Variants in IKBKE observed in about 807,000 individuals in gnomAD.
IKBKE encodes inhibitor of nuclear factor kappa B kinase subunit epsilon, also known as inhibitor of nuclear factor kappa-B kinase subunit epsilon.
IKBKE carries 45 observed loss-of-function variants against 92.1 expected under a neutral mutation model. The observed-to-expected ratio is 0.49, with a 90% CI of 0.38 to 0.63. IKBKE has a LOEUF of 0.63. Ranked by LOEUF, IKBKE falls within the 20% of genes least tolerant of loss-of-function variation. The pLI is 0.00. For missense variants in IKBKE, 700 were observed against 932.8 expected, an observed-to-expected ratio of 0.75 and a Z score of 3.25; for synonymous variants, 374 against 380.3, an observed-to-expected ratio of 0.98 and a Z score of 0.19.
intron 13 of IKBKE, among the ~76,000 whole-genome samples, chr1:206,482,388 T>A (rs989863219): frequency 6.6e-6 from 1 of 152,162 alleles, no homozygotes; most frequent in East Asian, 1.9e-4. Flanking sequence ...TTGGGAAAGC[T>A]TTTTGGGTGT....
rs1553390467 is a variant in IKBKE, at chr1:206,491,742, A to G, written c.1828A>G (p.Arg610Gly). The G allele has an allele frequency of 6.2e-7, 1 of 1,611,966 alleles. No homozygotes were observed. Among genetic ancestry groups the G allele is most frequent in the Non-Finnish European group, 8.5e-7 (1 of 1,178,444 alleles). The change falls in exon 18 of 22, where the codon AGG (arginine) becomes GGG (glycine). Residue 610 changes from arginine to glycine, a missense_variant. Physicochemically the swap from Arg to Gly is moderately radical, Grantham distance 125. Coordinates refer to ENST00000581977, the MANE Select transcript of IKBKE (RefSeq NM_014002.4). The stretch of plus-strand genomic sequence containing the variant: ...AGCGTCCTTAGTCACACACGGCAAG[A>G]GGATGAGGTAACAGCCCCTCCTGAG... ...YQASLVTHGK[R>G]MRVVHETRNH... is the part of the protein sequence containing the mutation.
rs150428746 is a variant in IKBKE, at chr1:206,474,389, G to A, written c.146G>A (p.Arg49His). The change falls in exon 4 of 22, where the codon CGC (arginine) becomes CAC (histidine). Residue 49 changes from arginine to histidine, a missense_variant. By Grantham distance (29) the Arg-to-His change is conservative (BLOSUM62 0). Coordinates refer to ENST00000581977, the MANE Select transcript of IKBKE (RefSeq NM_014002.4). ...VFNTTSYLRPREVQVREFEVL... is the reference protein window; with the variant it reads ...VFNTTSYLRPHEVQVREFEVL... ...AACACTACCAGCTACCTGCGGCCCCGCGAGGTGCAGGTGAGGGAGTTTGAG... is the reference window on the plus strand; with the variant it reads ...AACACTACCAGCTACCTGCGGCCCCACGAGGTGCAGGTGAGGGAGTTTGAG... 41 of 1,613,660 alleles carry A rather than the reference G, an allele frequency of 2.5e-5. No individual in the cohort carries two copies. The highest frequency in any genetic ancestry group is 1.6e-4 in the Middle Eastern group (1 of 6,062).
intron 3 of IKBKE, 152 bp from the exon 4 acceptor site, chr1:206,474,179 G>C: frequency 2.9e-6 from 2 of 691,370 alleles, no homozygotes; most frequent in South Asian, 3.6e-5. Flanking sequence ...AAGGCGGTGC[G>C]GATGGGAGCC....
chr1:206,483,510 C>T (rs1427422741), intron 13 of IKBKE, among the ~76,000 whole-genome samples: 4 of 152,216 alleles, frequency 2.6e-5, no homozygotes, highest in Non-Finnish European at 1.5e-5. Flanking sequence ...CCCCTGTCTT[C>T]AAGGAGCCTG....
chr1:206,493,646 G>A (rs1165066594), intron 20 of IKBKE, among the ~76,000 whole-genome samples: 3 of 152,200 alleles, frequency 2.0e-5, no homozygotes, highest in South Asian at 4.1e-4. Flanking sequence ...AAATTTAGCC[G>A]GGTGTGGTGG....
chr1:206,481,374 G>C (rs1192675909), intron 13 of IKBKE, among the ~76,000 whole-genome samples: 1 of 152,222 alleles, frequency 6.6e-6, no homozygotes, highest in Non-Finnish European at 1.5e-5. Flanking sequence ...TTTCCCAGCT[G>C]TGGGCTGACT....
intron 3 of IKBKE, among the ~76,000 whole-genome samples, chr1:206,474,087 C>T (rs909897626): frequency 2.0e-5 from 3 of 151,312 alleles, no homozygotes; most frequent in Middle Eastern, 3.2e-3. Context: ...GTAATAATGA[C>T]AACAAGCCAT....
chr1:206,490,727 G>C lies in IKBKE; in HGVS notation c.1694-92G>C. 7.6e-7 allele frequency: 1 copy of C among 1,323,596 alleles called. No homozygotes were observed. The highest frequency in any genetic ancestry group is 1.1e-6 in the Non-Finnish European group (1 of 918,212). The allele number at this position is 1,323,596 out of a possible 1,614,324, so 82.0% of individuals were successfully genotyped here. A position where few individuals can be genotyped will look rare whatever the true frequency, so the allele number is the denominator to read the frequency against. On this transcript the variant is annotated intron_variant, in intron 16 of 21. Transcript: ENST00000581977. This position sits in a 1 kb window ranked among gnomAD's most constrained non-coding sequence, Gnocchi z 5.2. ...CCCGTGAAGCAGCACAGGCTGGGCC[G>C]TCTTCATCTTTTAACTGTCTCTCGA...
In IKBKE at chr1:206,478,091, C is replaced by A. The variant is rs1665168812; in HGVS notation, c.813-69C>A. 1 of 1,357,788 alleles carries A rather than the reference C, an allele frequency of 7.4e-7. No individual in the cohort carries two copies. 84.1% of individuals were successfully genotyped at this position (1,357,788 alleles called of 1,614,324 possible). On this transcript the variant is annotated intron_variant, in intron 8 of 21. Coordinates refer to ENST00000581977, the MANE Select transcript of IKBKE (RefSeq NM_014002.4). This position sits in a 1 kb window ranked among gnomAD's most constrained non-coding sequence, Gnocchi z 4.8. ...TTCAGGATATTCTCTTAGAACGCTC[C>A]TATTGCCTGCTTAAGGAGGATAGGT... is the stretch of plus-strand genomic sequence containing the variant.
In IKBKE at chr1:206,487,878, T is replaced by G. The variant is rs781898508; in HGVS notation, c.1617-36T>G. 2 of 1,571,686 alleles carry G rather than the reference T, an allele frequency of 1.3e-6. No individual in the cohort carries two copies. The highest frequency in any genetic ancestry group is 1.7e-5 in the Admixed American group (1 of 59,280). On this transcript the variant is annotated intron_variant, in intron 15 of 21. Transcript: ENST00000581977. The surrounding 1 kb of genome is among the most constrained non-coding windows in gnomAD (Gnocchi z 5.3). ...TCCCTCTTTCCTCTGTGCTATTAGA[T>G]TCTTCCAACACCTGGTCCCTGTCTC...
chr1:206,480,218 G>A, intron 12 of IKBKE, 105 bp downstream of exon 12: 1 of 371,954 alleles, frequency 2.7e-6, no homozygotes, highest in East Asian at 5.9e-5. Flanking sequence ...GGGTGGGCAG[G>A]AAGTGGAGGT....
At chr1:206,475,478 TA>T (rs1274016781) in intron 5 of IKBKE, among the ~76,000 whole-genome samples, 1 of 152,216 alleles carries the variant, frequency 6.6e-6, no homozygotes, top group Non-Finnish European at 1.5e-5. Context: ...CTCATGCCTG[TA>T]ATCCCAGCAC....
chr1:206,493,122 G>A lies in IKBKE; in HGVS notation c.1932+3G>A. The A allele has an allele frequency of 6.3e-7, 1 of 1,587,424 alleles. No homozygotes were observed. Among genetic ancestry groups the A allele is most frequent in the Non-Finnish European group, 8.6e-7 (1 of 1,167,796 alleles). Reference sequence around the variant, plus strand: ...GGGTCCAGGAGAGTCTCAGCAAGGTGGGCATGGCAGAAGGATTCTAGGTGC... The same window carrying A: ...GGGTCCAGGAGAGTCTCAGCAAGGTAGGCATGGCAGAAGGATTCTAGGTGC... On this transcript the variant is annotated splice_donor_region_variant and intron_variant, in intron 19 of 21. Coordinates refer to ENST00000581977, the MANE Select transcript of IKBKE (RefSeq NM_014002.4).
At chr1:206,481,990 G>T (rs965466677) in intron 13 of IKBKE, among the ~76,000 whole-genome samples, 1 of 151,652 alleles carries the variant, frequency 6.6e-6, no homozygotes, top group Non-Finnish European at 1.5e-5. Context: ...CGTTTTAGCC[G>T]GGATGGTCTC....
intron 18 of IKBKE, 33 bp downstream of exon 18, chr1:206,491,782 G>GA: frequency 2.0e-6 from 3 of 1,503,610 alleles, no homozygotes; most frequent in Non-Finnish European, 2.8e-6. Context: ...TGGAGCCCAG[G>GA]GCCTGGCCTG....
At position 206,490,785 on chromosome 1, in the gene IKBKE, A is replaced by T. The variant is rs782476653; in HGVS notation, c.1694-34A>T. 5.6e-6 allele frequency: 9 copies of T among 1,610,436 alleles called. No homozygotes were observed. Among genetic ancestry groups the T allele is most frequent in the Non-Finnish European group, 7.6e-6 (9 of 1,176,608 alleles). On this transcript the variant is annotated intron_variant, in intron 16 of 21. Coordinates refer to ENST00000581977, the MANE Select transcript of IKBKE (RefSeq NM_014002.4). This position sits in a 1 kb window ranked among gnomAD's most constrained non-coding sequence, Gnocchi z 5.2. ...TGCACACTGTTTCGTTGACTGATTG[A>T]ATAGGTGACATCTGTTCTGTCTGTT... is the stretch of plus-strand genomic sequence containing the variant.
chr1:206,484,421 G>A lies in IKBKE; in HGVS notation c.1428-576G>A, dbSNP rs41299013. Reference sequence around the variant, plus strand: ...GATGGCCTGATTCCTCTGCTGTACCGTTACATTGTCCCTGTAGAAGAAAGA... The same window carrying A: ...GATGGCCTGATTCCTCTGCTGTACCATTACATTGTCCCTGTAGAAGAAAGA... On this transcript the variant is annotated intron_variant, in intron 13 of 21. Transcript: ENST00000581977. Among the ~76,000 whole-genome samples the A allele has an allele frequency of 6.5e-3, 996 of 152,262 alleles. 12 individuals carry two copies. Among genetic ancestry groups the A allele is most frequent in the African/African-American group, 0.023 (947 of 41,522 alleles).
chr1:206,476,053 A>G lies in IKBKE; in HGVS notation c.359-128A>G, dbSNP rs1665045297. ...ATGTCTCTGTCCTTCTGCCTGTCCC[A>G]TGGCTCTGTCAGCCCATGGGAACTC... On this transcript the variant is annotated intron_variant, in intron 5 of 21. Coordinates refer to ENST00000581977, the MANE Select transcript of IKBKE (RefSeq NM_014002.4). This position sits in a 1 kb window ranked among gnomAD's most constrained non-coding sequence, Gnocchi z 5.1. 2 of 815,500 alleles carry G rather than the reference A, an allele frequency of 2.5e-6. No homozygotes were observed. Among genetic ancestry groups the G allele is most frequent in the Non-Finnish European group, 4.0e-6 (2 of 499,378 alleles). 50.5% of individuals were successfully genotyped at this position (815,500 alleles called of 1,614,324 possible).
chr1:206,472,727 C>T (rs1664848644), intron 2 of IKBKE: 2 of 211,166 alleles, frequency 9.5e-6, no homozygotes, highest in Non-Finnish European at 1.9e-5. Flanking sequence ...TGGCTCTGGA[C>T]TCATGTTGCA....
Sources: allele counts gnomAD v4.1 joint callset (sites outside exome capture counted in the v4.1 genomes callset), GRCh38; gene constraint gnomAD v4.1.1; non-coding constraint Gnocchi (gnomAD v3.1); transcripts MANE v1.5; gene names NCBI Gene and HGNC (gene_info 2026-07-23, HGNC 2026-07-21).